Variants in PDE6D observed in about 807,000 individuals in gnomAD.
PDE6D encodes phosphodiesterase 6D.
PDE6D carries 10 observed loss-of-function variants against 21.9 expected under a neutral mutation model. That is an observed-to-expected ratio of 0.46 (90% CI 0.28 to 0.78). The LOEUF (loss-of-function observed/expected upper bound fraction) is 0.78, where lower values mean the gene tolerates loss of function less well. Among genes scored for constraint, PDE6D ranks in the 30% least tolerant of loss-of-function variants. PDE6D has a pLI of 0.12. For missense variants in PDE6D, 139 were observed against 184.8 expected (o/e 0.75, Z 1.44); for synonymous variants, 59 against 63.5 (o/e 0.93, Z 0.34).
chr2:231,753,533 A>G, intron 1 of PDE6D, among the ~76,000 whole-genome samples: 1 of 152,100 alleles, frequency 6.6e-6, no homozygotes, highest in East Asian at 1.9e-4. Flanking sequence ...CCTGGGCGAC[A>G]GAGCAAGACC....
chr2:231,747,398 C>T (rs114476785), intron 1 of PDE6D, among the ~76,000 whole-genome samples: 2,031 of 152,292 alleles, frequency 0.013, 31 homozygotes, highest in Non-Finnish European at 0.018. Context: ...ACCTATGATA[C>T]TTTAAAGAAT....
At chr2:231,736,547 T>C (rs759611273) in intron 4 of PDE6D, among the ~76,000 whole-genome samples, 13 of 152,108 alleles carry the variant, frequency 8.5e-5, no homozygotes, top group Non-Finnish European at 1.5e-4. Flanking sequence ...CAATGGGAGG[T>C]AGGAAGTTAT....
chr2:231,780,513 T>C (rs940928152), intron 1 of PDE6D, among the ~76,000 whole-genome samples: 7 of 152,050 alleles, frequency 4.6e-5, no homozygotes, highest in Admixed American at 3.3e-4. Flanking sequence ...GGAAGAGAAG[T>C]TGTGGAAACC....
intron 1 of PDE6D, among the ~76,000 whole-genome samples, chr2:231,744,459 A>G (rs1298069248): frequency 6.9e-6 from 1 of 145,000 alleles, no homozygotes; most frequent in Non-Finnish European, 1.5e-5. Flanking sequence ...TTGGAGACAG[A>G]GTTTCGCTCT....
chr2:231,752,494 C>T (rs1022365638), intron 1 of PDE6D, among the ~76,000 whole-genome samples: 2 of 152,170 alleles, frequency 1.3e-5, no homozygotes, highest in African/African-American at 4.8e-5. Context: ...GAAGGAGGCA[C>T]ATTATGGAAG....
At chr2:231,733,119 G>A (rs2048665459) in intron 4 of PDE6D, 86 bp from the exon 5 acceptor site, 1 of 935,658 alleles carries the variant, frequency 1.1e-6, no homozygotes, top group South Asian at 1.4e-5. Flanking sequence ...TTTCCATCTG[G>A]ATTCCTGGGC....
chr2:231,757,226 C>T (rs1268269122), intron 1 of PDE6D, among the ~76,000 whole-genome samples: 1 of 152,138 alleles, frequency 6.6e-6, no homozygotes, highest in African/African-American at 2.4e-5. Flanking sequence ...TCCCAACAGA[C>T]ATCTCCTTTT....
At chr2:231,738,348 T>C (rs1208791919) in intron 2 of PDE6D, among the ~76,000 whole-genome samples, 1 of 152,212 alleles carries the variant, frequency 6.6e-6, no homozygotes, top group Non-Finnish European at 1.5e-5. Flanking sequence ...TGGTCACCCG[T>C]ATCTGAAAGA....
intron 1 of PDE6D, among the ~76,000 whole-genome samples, chr2:231,742,678 T>C (rs973383651): frequency 4.6e-5 from 7 of 152,180 alleles, no homozygotes; most frequent in African/African-American, 1.7e-4. Flanking sequence ...TGGTTTTCTT[T>C]TTTTGCTATC....
At chr2:231,759,917 A>G (rs948443935) in intron 1 of PDE6D, among the ~76,000 whole-genome samples, 5 of 152,208 alleles carry the variant, frequency 3.3e-5, no homozygotes, top group Admixed American at 6.5e-5. Context: ...AACAGGGAAA[A>G]AAGTGTTTTT....
chr2:231,756,392 G>A (rs1037304305), intron 1 of PDE6D, among the ~76,000 whole-genome samples: 11 of 152,150 alleles, frequency 7.2e-5, no homozygotes, highest in Admixed American at 2.6e-4. Context: ...AACTCAAACT[G>A]TAAGAGATAT....
At chr2:231,754,484 G>A (rs1036921704) in intron 1 of PDE6D, among the ~76,000 whole-genome samples, 7 of 149,644 alleles carry the variant, frequency 4.7e-5, no homozygotes, top group Non-Finnish European at 1.0e-4. Flanking sequence ...AGCCTCCTGA[G>A]TAGCTGGGGT....
intron 1 of PDE6D, among the ~76,000 whole-genome samples, chr2:231,763,928 C>G (rs1392213126): frequency 2.6e-5 from 4 of 151,864 alleles, no homozygotes; most frequent in African/African-American, 9.7e-5. Flanking sequence ...CTTGAGCCAC[C>G]AGGCCTGGCT....
chr2:231,747,668 A>C (rs838442), intron 1 of PDE6D, among the ~76,000 whole-genome samples: 50,711 of 152,042 alleles, frequency 0.33, 8,908 homozygotes, highest in African/African-American at 0.44. Context: ...TGCACTTAAA[A>C]AAATCGAGTT....
rs2048710169 is a variant in PDE6D at position 231,737,365 on chromosome 2, C to G, written c.266-73G>C. ...GTTTAAGGGCTCTTTGTCTCCCTCT[C>G]TAGAGTGAGCCTCTTCCTACCCTGA... On this transcript the variant is annotated intron_variant, in intron 3 of 4. Transcript: ENST00000287600. 4 of 745,156 alleles carry G rather than the reference C, an allele frequency of 5.4e-6. No homozygotes were observed. The East Asian group carries it at 7.8e-5, about 15-fold the overall frequency. The allele number at this position is 745,156 out of a possible 1,614,324, so 46.2% of individuals were successfully genotyped here. A position where few individuals can be genotyped will look rare whatever the true frequency, so the allele number is the denominator to read the frequency against.
chr2:231,749,018 G>A (rs1159918066), intron 1 of PDE6D, among the ~76,000 whole-genome samples: 1 of 152,222 alleles, frequency 6.6e-6, no homozygotes, highest in Non-Finnish European at 1.5e-5. Context: ...GAAATGTGGG[G>A]TTGGAGCCCC....
intron 4 of PDE6D, 127 bp downstream of exon 4, chr2:231,737,060 C>T (rs2048707462): frequency 1.9e-6 from 1 of 521,942 alleles, no homozygotes. Context: ...CCTAGATACC[C>T]TTGGATACTC....
chr2:231,769,474 G>A (rs141814340), intron 1 of PDE6D, among the ~76,000 whole-genome samples: 1 of 152,070 alleles, frequency 6.6e-6, no homozygotes, highest in African/African-American at 2.4e-5. Context: ...AGGTAGCAGT[G>A]CCACACATGG....
At chr2:231,749,104 G>C (rs2048817400) in intron 1 of PDE6D, among the ~76,000 whole-genome samples, 1 of 152,126 alleles carries the variant, frequency 6.6e-6, no homozygotes, top group Admixed American at 6.6e-5. Context: ...CCCTAGAATG[G>C]TAGATCCACC....
Sources: gnomAD v4.1 joint callset for allele counts (sites outside exome capture counted in the v4.1 genomes callset) on GRCh38, gnomAD v4.1.1 for gene constraint, MANE v1.5 for transcripts, NCBI Gene and HGNC (gene_info 2026-07-23, HGNC 2026-07-21) for gene names.